The following RILPL1 variants were observed in gnomAD, a reference collection of about 807,000 sequenced individuals.
The protein encoded by RILPL1 is Rab interacting lysosomal protein like 1.
RILPL1 carries 33 observed loss-of-function variants against 50.3 expected under a neutral mutation model. The ratio of observed to expected loss-of-function variants is 0.66; its 90% CI spans 0.50 to 0.88. RILPL1 has a LOEUF of 0.88. RILPL1 is among the 40% of genes least tolerant of loss of function. The pLI is 0.00. For missense variants in RILPL1, 418 were observed against 542.5 expected (o/e 0.77, Z 2.28); for synonymous variants, 205 against 228.6 (o/e 0.90, Z 0.93).
At chr12:123,476,649 C>A (rs1255241500) in intron 6 of RILPL1, among the ~76,000 whole-genome samples, 2 of 152,150 alleles carry the variant, frequency 1.3e-5, no homozygotes, top group East Asian at 3.9e-4. Context: ...CCCCCAGCAG[C>A]CACCAGAAAT....
In RILPL1 at chr12:123,499,425, A is replaced by G; in HGVS notation, c.572T>C (p.Val191Ala). The G allele has an allele frequency of 6.2e-7, 1 of 1,612,926 alleles. No individual in the cohort carries two copies. The highest frequency in any genetic ancestry group is 8.5e-7 in the Non-Finnish European group (1 of 1,178,992). ...DRELGLKNED[V>A]EALQQQQTRL... ...CAGGGGTGTGTCACTCACAGCCTCAACGTCCTCATTTTTCAGGCCCAGCTC... is the reference window on the plus strand; with the variant it reads ...CAGGGGTGTGTCACTCACAGCCTCAGCGTCCTCATTTTTCAGGCCCAGCTC... Residue 191 changes from valine (V) to alanine (A), a missense_variant, in exon 3 of 7, where the codon GTT becomes GCT. Val to Ala is a moderately conservative substitution (Grantham distance 64). Transcript: ENST00000376874.
At chr12:123,474,419 T>G (rs1881448142) in intron 6 of RILPL1, 1 of 152,240 alleles carries the variant, frequency 6.6e-6, no homozygotes, top group South Asian at 2.1e-4. Context: ...TGGCTTGATC[T>G]CAGTTCACTG....
At chr12:123,475,139 G>C (rs770659116) in intron 6 of RILPL1, 2 of 158,480 alleles carry the variant, frequency 1.3e-5, no homozygotes, top group African/African-American at 4.8e-5. Flanking sequence ...TCACGGTTAC[G>C]CTTCACCTCT....
chr12:123,513,410 C>T (rs1191825566), intron 2 of RILPL1: 4 of 342,092 alleles, frequency 1.2e-5, no homozygotes, highest in African/African-American at 2.2e-5. Context: ...GGGCGGGAGG[C>T]GAGCATGAGG....
intron 4 of RILPL1, among the ~76,000 whole-genome samples, chr12:123,490,181 C>T (rs1490060462): frequency 6.6e-6 from 1 of 152,102 alleles, no homozygotes; most frequent in Non-Finnish European, 1.5e-5. Context: ...CTTGCCTCTC[C>T]TGTGTCTCTG....
chr12:123,521,267 C>G (rs1212843522), intron 2 of RILPL1, among the ~76,000 whole-genome samples: 3 of 151,956 alleles, frequency 2.0e-5, no homozygotes, highest in East Asian at 3.9e-4. Flanking sequence ...CATGGGGGTG[C>G]AACTTAGGCA....
At position 123,522,967 on chromosome 12, in the gene RILPL1, C is replaced by T. The variant is rs1885121085; in HGVS notation, c.460+528G>A. 6.6e-6 allele frequency among the ~76,000 whole-genome samples: 1 copy of T among 152,082 alleles called. No individual in the cohort carries two copies. The highest frequency in any genetic ancestry group is 2.4e-5 in the African/African-American group (1 of 41,430). Reference sequence around the variant, plus strand: ...GCATGACTGCCCCTGCAACCCCCGACCCAACAAATGCAGATATTTGCGTGG... The same window carrying T: ...GCATGACTGCCCCTGCAACCCCCGATCCAACAAATGCAGATATTTGCGTGG... On this transcript the variant is annotated intron_variant, in intron 2 of 6. Coordinates refer to ENST00000376874, the MANE Select transcript of RILPL1 (RefSeq NM_178314.5). The surrounding 1 kb of genome is among the most constrained non-coding windows in gnomAD (Gnocchi z 4.0).
chr12:123,528,221 G>A (rs1885324813), intron 1 of RILPL1, among the ~76,000 whole-genome samples: 1 of 151,732 alleles, frequency 6.6e-6, no homozygotes, highest in Non-Finnish European at 1.5e-5. Flanking sequence ...TAAGCTGGGT[G>A]TGGTGGCACA....
chr12:123,495,074 C>T (rs925765098), intron 4 of RILPL1, among the ~76,000 whole-genome samples: 4 of 152,184 alleles, frequency 2.6e-5, no homozygotes, highest in Non-Finnish European at 5.9e-5. Context: ...TATTCTAGGT[C>T]TCTGGCCACA....
intron 2 of RILPL1, chr12:123,518,500 CAAAAA>C (rs60479214): frequency 1.4e-4 from 12 of 82,948 alleles, no homozygotes; most frequent in South Asian, 1.1e-3. Flanking sequence ...GAGACCTGTC[CAAAAA>C]AAAAAAAAAA....
At position 123,485,892 on chromosome 12, in the gene RILPL1, C is replaced by A; in HGVS notation, c.802-87G>T. ...ATCCTGAAGGAGCCCAAATTCTCCC[C>A]CTCCCGGGGTGCCAGCAGCCTGTGG... On this transcript the variant is annotated intron_variant, in intron 4 of 6. Coordinates refer to ENST00000376874, the MANE Select transcript of RILPL1 (RefSeq NM_178314.5). The surrounding 1 kb of genome is among the most constrained non-coding windows in gnomAD (Gnocchi z 4.0). 7.3e-7 allele frequency: 1 copy of A among 1,378,836 alleles called. No homozygotes were observed. The highest frequency in any genetic ancestry group is 9.6e-7 in the Non-Finnish European group (1 of 1,040,634). The allele number at this position is 1,378,836 out of a possible 1,614,324, so 85.4% of individuals were successfully genotyped here.
chr12:123,513,147 T>C (rs1453573417), intron 2 of RILPL1, among the ~76,000 whole-genome samples: 1 of 150,318 alleles, frequency 6.7e-6, no homozygotes. Flanking sequence ...TCCGTGTGTG[T>C]GTGGTGTGAG....
intron 1 of RILPL1, among the ~76,000 whole-genome samples, chr12:123,530,930 G>T (rs1454206477): frequency 2.0e-5 from 3 of 152,144 alleles, no homozygotes; most frequent in East Asian, 1.9e-4. Flanking sequence ...GAGAGGAGGA[G>T]TAGGGGGAAG....
intron 6 of RILPL1, 138 bp downstream of exon 6, chr12:123,484,042 G>A (rs183613535): frequency 4.9e-6 from 3 of 617,814 alleles, no homozygotes; most frequent in East Asian, 2.7e-5. Context: ...ACTCAAAGTC[G>A]GGGGCCAGGC....
chr12:123,513,002 G>A (rs916329149), intron 2 of RILPL1, among the ~76,000 whole-genome samples: 5 of 147,116 alleles, frequency 3.4e-5, no homozygotes, highest in Non-Finnish European at 7.5e-5. Flanking sequence ...TGAGGTTTGT[G>A]TGTGGTGTGA....
chr12:123,499,158 A>G (rs1883208797), intron 3 of RILPL1, among the ~76,000 whole-genome samples: 1 of 152,192 alleles, frequency 6.6e-6, no homozygotes, highest in East Asian at 1.9e-4. Flanking sequence ...GGGTCAGAGC[A>G]AAGTCTGCCC....
At chr12:123,511,814 TC>T (rs1884272575) in intron 2 of RILPL1, among the ~76,000 whole-genome samples, 2 of 105,338 alleles carry the variant, frequency 1.9e-5, no homozygotes. Flanking sequence ...GTGTGTGAGG[TC>T]TGTGTGTGTG....
chr12:123,514,200 C>T (rs1884558050), intron 2 of RILPL1: 1 of 152,152 alleles, frequency 6.6e-6, no homozygotes, highest in South Asian at 2.1e-4. Flanking sequence ...GGTCTAAGAT[C>T]AGACCCCAAG....
Position 123,533,067 on chromosome 12 carries a change from G to C in RILPL1, c.309+107C>G, listed in dbSNP as rs1003980864. 5.0e-5 allele frequency: 61 copies of C among 1,226,382 alleles called. No homozygotes were observed. In the African/African-American group the frequency reaches 8.8e-4, roughly 18 times the overall value. The allele number at this position is 1,226,382 out of a possible 1,614,324, so 76.0% of individuals were successfully genotyped here. ...CCCCACGTCGGGTCTCCTCTGGTCCGGTCCCTGAACACACACACGTGCGCA... is the reference window on the plus strand; with the variant it reads ...CCCCACGTCGGGTCTCCTCTGGTCCCGTCCCTGAACACACACACGTGCGCA... On this transcript the variant is annotated intron_variant, in intron 1 of 6. Coordinates refer to ENST00000376874, the MANE Select transcript of RILPL1 (RefSeq NM_178314.5). This position sits in a 1 kb window ranked among gnomAD's most constrained non-coding sequence, Gnocchi z 6.2.
Sources: gnomAD v4.1 joint callset for allele counts (sites outside exome capture counted in the v4.1 genomes callset) on GRCh38, gnomAD v4.1.1 for gene constraint, Gnocchi (gnomAD v3.1) non-coding constraint, MANE v1.5 for transcripts, NCBI Gene and HGNC (gene_info 2026-07-23, HGNC 2026-07-21) for gene names.